SLC25A20: variants seen among roughly 807,000 people sequenced by gnomAD.
The protein encoded by SLC25A20 is mitochondrial carnitine/acylcarnitine carrier protein.
In SLC25A20, 29 loss-of-function variants were observed where a neutral mutation model predicts 39.7. The ratio of observed to expected loss-of-function variants is 0.73; its 90% confidence interval spans 0.54 to 1.00. The LOEUF is 1.00. Ranked by LOEUF, SLC25A20 falls within the 50% of genes least tolerant of loss-of-function variation. The pLI is 0.00. For synonymous variants in SLC25A20, 103 were observed against 142.2 expected, an observed-to-expected ratio of 0.72 and a Z score of 1.96; for missense variants, 333 against 379.9, an observed-to-expected ratio of 0.88 and a Z score of 1.03.
chr3:48,877,513 A>G (rs1459911098), intron 4 of SLC25A20, among the ~76,000 whole-genome samples: 1 of 151,932 alleles, frequency 6.6e-6, no homozygotes, highest in Admixed American at 6.6e-5. Context: ...GGTGGGTCAC[A>G]AGGTCAGGAG....
Position 48,865,726 on chromosome 3 carries a change from G to A in SLC25A20, c.418-3067C>T, listed in dbSNP as rs184458724. ...CTGGGTTGCAGTGAGCTGATATCGC[G>A]CCACCGCACTCCAGCCTGGGAGACA... On this transcript the variant is annotated intron_variant, in intron 4 of 8. Transcript: ENST00000319017. Among the ~76,000 whole-genome samples, 6 of 148,142 alleles carry A rather than the reference G, an allele frequency of 4.1e-5. No individual in the cohort carries two copies. In the East Asian group the frequency reaches 6.0e-4, roughly 15 times the overall value.
intron 2 of SLC25A20, among the ~76,000 whole-genome samples, chr3:48,888,558 G>A (rs1238310423): frequency 6.7e-6 from 1 of 148,252 alleles, no homozygotes; most frequent in Non-Finnish European, 1.5e-5. Context: ...AACTGAACAA[G>A]ACTCTTGTCT....
intron 4 of SLC25A20, among the ~76,000 whole-genome samples, chr3:48,864,826 C>T (rs2083653868): frequency 6.6e-6 from 1 of 152,076 alleles, no homozygotes; most frequent in Non-Finnish European, 1.5e-5. Flanking sequence ...GTAGTATGGC[C>T]ACAATGGAGA....
In SLC25A20 at chr3:48,892,092, T is replaced by C; in HGVS notation, c.106-20A>G. The C allele has an allele frequency of 1.3e-6, 2 of 1,598,452 alleles. No individual in the cohort carries two copies. The highest frequency in any genetic ancestry group is 1.7e-6 in the Non-Finnish European group (2 of 1,165,804). ...TCGGACCTGAAAACAGAAGTTAAAATGCAGTCACCTACCAGAATCAGAACT... is the reference window on the plus strand; with the variant it reads ...TCGGACCTGAAAACAGAAGTTAAAACGCAGTCACCTACCAGAATCAGAACT... On this transcript the variant is annotated intron_variant, in intron 1 of 8. Transcript: ENST00000319017.
chr3:48,864,426 A>T (rs1184775553), intron 4 of SLC25A20, among the ~76,000 whole-genome samples: 2 of 151,764 alleles, frequency 1.3e-5, no homozygotes, highest in Non-Finnish European at 2.9e-5. Flanking sequence ...TAAAACTCTA[A>T]AATATCTGAG....
intron 5 of SLC25A20, among the ~76,000 whole-genome samples, chr3:48,862,213 T>C (rs1232689296): frequency 2.0e-5 from 3 of 152,052 alleles, no homozygotes; most frequent in Non-Finnish European, 4.4e-5. Flanking sequence ...TAACAGGACA[T>C]ACTTCTCAAA....
intron 4 of SLC25A20, among the ~76,000 whole-genome samples, chr3:48,868,389 G>T (rs1489400575): frequency 6.6e-6 from 1 of 152,074 alleles, no homozygotes; most frequent in Non-Finnish European, 1.5e-5. Flanking sequence ...CATTCCCTAG[G>T]TCAAAATCAA....
intron 2 of SLC25A20, among the ~76,000 whole-genome samples, chr3:48,884,892 G>T (rs1210753920): frequency 8.1e-6 from 1 of 123,922 alleles, no homozygotes; most frequent in African/African-American, 3.2e-5. Flanking sequence ...AGATTATTAA[G>T]TAAAAAAAAA....
chr3:48,895,327 G>T (rs978539776), intron 1 of SLC25A20, among the ~76,000 whole-genome samples: 8 of 152,116 alleles, frequency 5.3e-5, no homozygotes, highest in Non-Finnish European at 8.8e-5. Context: ...ATTTTTAGTA[G>T]AGACGGAGCT....
Position 48,859,566 on chromosome 3 carries a change from C to T in SLC25A20, c.597G>A (p.Pro199=), listed in dbSNP as rs142911267. 8 of 1,613,692 alleles carry T rather than the reference C, an allele frequency of 5.0e-6. No homozygotes were observed. Among genetic ancestry groups the T allele is most frequent in the Middle Eastern group, 1.6e-4 (1 of 6,078 alleles). Residue 199 remains proline, a synonymous_variant, in exon 6 of 9, where the codon CCG becomes CCA. Coordinates refer to ENST00000319017, the MANE Select transcript of SLC25A20 (RefSeq NM_000387.6). ...TATGTTTTCCTCACCTCTTTCCCTC[C>T]GGAGTGAAGATATTTTTCAGCCATT... ...TYEWLKNIFT[P]EGKRVSELSA... is the part of the protein sequence containing the mutation.
chr3:48,878,278 ATAT>A (rs1559668683), intron 4 of SLC25A20, among the ~76,000 whole-genome samples: 2 of 126,368 alleles, frequency 1.6e-5, no homozygotes, highest in East Asian at 2.2e-4. Context: ...AAAAAAATAT[ATAT>A]ATATATATAT....
At chr3:48,897,387 T>TTTA (rs2083918169) in intron 1 of SLC25A20, among the ~76,000 whole-genome samples, 1 of 139,986 alleles carries the variant, frequency 7.1e-6, no homozygotes, top group Non-Finnish European at 1.5e-5. Flanking sequence ...TTTTTTTTTT[T>TTTA]AAGGGCGGCC....
intron 2 of SLC25A20, among the ~76,000 whole-genome samples, chr3:48,886,113 A>T (rs2083827358): frequency 1.3e-5 from 2 of 152,198 alleles, no homozygotes; most frequent in Admixed American, 1.3e-4. Flanking sequence ...TTAAACCACA[A>T]AGGGTGATAA....
At chr3:48,867,240 AGTTT>A (rs1387190192) in intron 4 of SLC25A20, among the ~76,000 whole-genome samples, 1 of 150,648 alleles carries the variant, frequency 6.6e-6, no homozygotes, top group Non-Finnish European at 1.5e-5. Flanking sequence ...CTGTGCCCAA[AGTTT>A]GTTTTTGTTT....
Position 48,859,136 on chromosome 3 carries a change from GC to G in SLC25A20, c.673del (p.Ala225LeufsTer29). 6.2e-7 allele frequency: 1 copy of G among 1,614,074 alleles called. No homozygotes were observed. The highest frequency in any genetic ancestry group is 8.5e-7 in the Non-Finnish European group (1 of 1,180,014). On this transcript the variant is annotated frameshift_variant, in exon 7 of 9. Transcript: ENST00000319017. LOFTEE classifies it high-confidence loss of function. ...GAGCACATCTGGGGGGATTGCCACAGCCCAGTTGAAGATCCCTGCAATGCCC... is the reference window on the plus strand; with the variant it reads ...GAGCACATCTGGGGGGATTGCCACAGCCAGTTGAAGATCCCTGCAATGCCC... Reference protein sequence around the residue: ...AGGIAGIFNWAVAIPPDVLKS... With the variant: ...AGGIAGIFNWXVAIPPDVLKS...
Position 48,857,790 on chromosome 3 carries a change from G to C in SLC25A20, c.844-18C>G. ...AAACAGGCCTAAGAAGGGATTGGGA[G>C]GAAGAAAAAAGCCAGCAGGAATAAC... On this transcript the variant is annotated intron_variant, in intron 8 of 8. Coordinates refer to ENST00000319017, the MANE Select transcript of SLC25A20 (RefSeq NM_000387.6). The C allele has an allele frequency of 6.2e-7, 1 of 1,612,374 alleles. No homozygotes were observed. The highest frequency in any genetic ancestry group is 8.5e-7 in the Non-Finnish European group (1 of 1,179,094).
chr3:48,857,823 A>G, intron 8 of SLC25A20, 51 bp from the exon 9 acceptor site: 1 of 1,547,320 alleles, frequency 6.5e-7, no homozygotes. Context: ...AACTATTCAT[A>G]GACTATTCAA....
rs1384129845 is a variant in SLC25A20, at chr3:48,894,719, G to GCCTCATTGGA, written c.106-2648_106-2647insTCCAATGAGG. Among the ~76,000 whole-genome samples, 10 of 152,230 alleles carry GCCTCATTGGA rather than the reference G, an allele frequency of 6.6e-5. No individual in the cohort carries two copies. In the South Asian group the frequency reaches 8.3e-4, roughly 13 times the overall value. ...TGGCTAACTGCAGCCTTAAACTCCT[G>GCCTCATTGGA]GGCTCAAGTGATCCTCCTGCCTCAT... On this transcript the variant is annotated intron_variant, in intron 1 of 8. Coordinates refer to ENST00000319017, the MANE Select transcript of SLC25A20 (RefSeq NM_000387.6).
At chr3:48,870,558 CTTT>C (rs752195846) in intron 4 of SLC25A20, among the ~76,000 whole-genome samples, 4 of 123,470 alleles carry the variant, frequency 3.2e-5, no homozygotes, top group African/African-American at 3.0e-5. Flanking sequence ...TTTTCTTTTT[CTTT>C]TTTTTTTTTT....
Sources: gnomAD v4.1 joint callset for allele counts (sites outside exome capture counted in the v4.1 genomes callset) on GRCh38, gnomAD v4.1.1 for gene constraint, MANE v1.5 for transcripts, NCBI Gene and HGNC (gene_info 2026-07-23, HGNC 2026-07-21) for gene names.